The following DOCK4 variants were observed in gnomAD, a reference collection of about 807,000 sequenced individuals.
DOCK4 encodes the protein dedicator of cytokinesis 4.
A neutral mutation model predicts 268.1 loss-of-function variants in DOCK4; 97 were observed. The ratio of observed to expected loss-of-function variants is 0.36; its 90% CI spans 0.31 to 0.43. The LOEUF is 0.43. Among genes scored for constraint, DOCK4 ranks in the 20% least tolerant of loss-of-function variants. The probability of loss-of-function intolerance (pLI) is 1.00; values close to 1 mark genes in which losing one functional copy is unlikely to be tolerated. For synonymous variants in DOCK4, 954 were observed against 887.2 expected, an observed-to-expected ratio of 1.08 and a Z score of -1.34; for missense variants, 2,145 against 2,455.7, an observed-to-expected ratio of 0.87 and a Z score of 2.67.
intron 10 of DOCK4, among the ~76,000 whole-genome samples, chr7:111,943,678 A>G (rs2134795577): frequency 6.6e-6 from 1 of 152,328 alleles, no homozygotes; most frequent in Non-Finnish European, 1.5e-5. Flanking sequence ...TTTTTTTCAT[A>G]GACTCATTTA....
chr7:111,820,976 G>T (rs550072312), intron 27 of DOCK4: 3 of 152,248 alleles, frequency 2.0e-5, no homozygotes, highest in South Asian at 2.1e-4. Context: ...ATAGATATTT[G>T]ATTCTACTCA....
intron 1 of DOCK4, among the ~76,000 whole-genome samples, chr7:112,128,783 G>T (rs1386048475): frequency 1.3e-5 from 2 of 151,800 alleles, no homozygotes; most frequent in East Asian, 3.9e-4. Context: ...ACTGCGGAAG[G>T]CCGCAGGGTC....
chr7:111,851,827 CCTTT>C (rs1359541872), intron 23 of DOCK4, among the ~76,000 whole-genome samples: 1 of 152,046 alleles, frequency 6.6e-6, no homozygotes, highest in African/African-American at 2.4e-5. Context: ...GTGTTATTCT[CCTTT>C]CTTCCTCTTT....
In DOCK4 at chr7:111,895,829, C is replaced by T. The variant is rs1808701548; in HGVS notation, c.1481-111G>A. On this transcript the variant is annotated intron_variant, in intron 15 of 52. Transcript: ENST00000428084. ...AACTCATACACAACAGTTCCCACTA[C>T]ACAATGCAGCACAGCTTTTCTGATA... 22 of 927,040 alleles carry T rather than the reference C, an allele frequency of 2.4e-5. No homozygotes were observed. The South Asian group carries it at 2.9e-4, about 12-fold the overall frequency. 57.4% of individuals were successfully genotyped at this position (927,040 alleles called of 1,614,324 possible). A position where few individuals can be genotyped will look rare whatever the true frequency, so the allele number is the denominator to read the frequency against.
At chr7:111,806,668 C>A (rs1800701402) in intron 30 of DOCK4, among the ~76,000 whole-genome samples, 1 of 152,140 alleles carries the variant, frequency 6.6e-6, no homozygotes, top group East Asian at 1.9e-4. Flanking sequence ...CAGTTTTTAG[C>A]TAAGTACATA....
chr7:111,884,526 A>T (rs1351773320), intron 16 of DOCK4, among the ~76,000 whole-genome samples: 1 of 152,236 alleles, frequency 6.6e-6, no homozygotes, highest in Non-Finnish European at 1.5e-5. Context: ...AGGTATCGCT[A>T]GGAAAGACCA....
At chr7:111,854,993 T>C (rs547803430) in intron 23 of DOCK4, among the ~76,000 whole-genome samples, 1 of 152,266 alleles carries the variant, frequency 6.6e-6, no homozygotes, top group African/African-American at 2.4e-5. Flanking sequence ...CAAAATTTCT[T>C]GAGAAAATGA....
chr7:111,740,099 C>G (rs769070444), intron 47 of DOCK4: 11 of 446,196 alleles, frequency 2.5e-5, no homozygotes, highest in South Asian at 1.7e-4. Flanking sequence ...CAAATCATGT[C>G]TTTTTTTCTT....
intron 1 of DOCK4, among the ~76,000 whole-genome samples, chr7:112,016,037 C>T (rs551298278): frequency 1.3e-5 from 2 of 152,338 alleles, no homozygotes; most frequent in African/African-American, 4.8e-5. Context: ...GATTACATTT[C>T]AACATAAGTT....
In DOCK4 at chr7:111,877,172, T is replaced by C; in HGVS notation, c.1602A>G (p.Thr534=). The C allele has an allele frequency of 6.6e-7, 1 of 1,523,214 alleles. No individual in the cohort carries two copies. The highest frequency in any genetic ancestry group is 8.8e-7 in the Non-Finnish European group (1 of 1,135,972). 94.4% of individuals were successfully genotyped at this position (1,523,214 alleles called of 1,614,324 possible). Residue 534 remains threonine, a synonymous_variant, in exon 17 of 53, where the codon ACA becomes ACG. Coordinates refer to ENST00000428084, the MANE Select transcript of DOCK4 (RefSeq NM_001363540.2). The part of the protein sequence containing the change: ...ELIVHKCEEN[T]NLQDTTRYLK... Reference sequence around the variant, plus strand: ...GGTAGCGGGTAGTATCCTGAAGATTTGTGTTTTCTTCACACTGTTAAAAAT... The same window carrying C: ...GGTAGCGGGTAGTATCCTGAAGATTCGTGTTTTCTTCACACTGTTAAAAAT...
chr7:111,954,575 G>C (rs148483309), intron 8 of DOCK4, among the ~76,000 whole-genome samples: 1 of 152,172 alleles, frequency 6.6e-6, no homozygotes, highest in South Asian at 2.1e-4. Context: ...ACCCAGCAGC[G>C]TGCGTCAGCA....
At chr7:112,159,812 A>G (rs1054196623) in intron 1 of DOCK4, among the ~76,000 whole-genome samples, 5 of 149,272 alleles carry the variant, frequency 3.3e-5, no homozygotes, top group African/African-American at 1.2e-4. Flanking sequence ...ACTTATGTAT[A>G]ATAATACATA....
chr7:112,031,600 A>C (rs1005539706), intron 1 of DOCK4, among the ~76,000 whole-genome samples: 1 of 151,358 alleles, frequency 6.6e-6, no homozygotes, highest in African/African-American at 2.4e-5. Context: ...CTCTTCCCTC[A>C]CTCCCCACCA....
chr7:112,070,834 A>G (rs1375807665), intron 1 of DOCK4, among the ~76,000 whole-genome samples: 1 of 152,220 alleles, frequency 6.6e-6, no homozygotes, highest in Non-Finnish European at 1.5e-5. Flanking sequence ...TCCTCCTCCT[A>G]TTCCCTGGAG....
At chr7:111,761,105 G>A (rs139003499) in intron 39 of DOCK4, among the ~76,000 whole-genome samples, 1,969 of 150,204 alleles carry the variant, frequency 0.013, 24 homozygotes, top group Middle Eastern at 0.034. Flanking sequence ...CTGTTGCCCT[G>A]GCTGGCATGC....
chr7:111,834,747 G>C, intron 25 of DOCK4, 61 bp from the exon 26 acceptor site: 2 of 1,158,996 alleles, frequency 1.7e-6, no homozygotes, highest in Non-Finnish European at 2.4e-6. Flanking sequence ...AAGAACATCA[G>C]TAACTTACAC....
intron 23 of DOCK4, among the ~76,000 whole-genome samples, chr7:111,847,472 T>C (rs1804202403): frequency 6.7e-6 from 1 of 149,996 alleles, no homozygotes; most frequent in South Asian, 2.1e-4. Context: ...GAGGACTTGG[T>C]TGTTTTTTTT....
chr7:111,895,801 T>C, intron 15 of DOCK4, 83 bp from the exon 16 acceptor site: 1 of 1,305,076 alleles, frequency 7.7e-7, no homozygotes, highest in Non-Finnish European at 1.1e-6. Flanking sequence ...CATCGAGAAA[T>C]ATAACTCATA....
intron 1 of DOCK4, among the ~76,000 whole-genome samples, chr7:112,130,243 T>C (rs1010381051): frequency 3.9e-5 from 6 of 152,038 alleles, no homozygotes; most frequent in East Asian, 1.9e-4. Flanking sequence ...CAGGTACCCG[T>C]TGGGGAGAGC....
Sources: gnomAD v4.1 joint callset for allele counts (sites outside exome capture counted in the v4.1 genomes callset) on GRCh38, gnomAD v4.1.1 for gene constraint, MANE v1.5 for transcripts, NCBI Gene and HGNC (gene_info 2026-07-23, HGNC 2026-07-21) for gene names.